The following SIM1 variants were observed in gnomAD, a reference collection of about 807,000 sequenced individuals.
SIM1 encodes SIM bHLH transcription factor 1.
A neutral mutation model predicts 78.2 loss-of-function variants in SIM1; 18 were observed. The observed-to-expected ratio is 0.23, with a 90% confidence interval of 0.16 to 0.34. SIM1 has a LOEUF of 0.34. Among genes scored for constraint, SIM1 ranks in the 10% least tolerant of loss-of-function variants. SIM1 has a pLI of 1.00. For missense variants in SIM1, 939 were observed against 975.1 expected (o/e 0.96, Z 0.49); for synonymous variants, 417 against 385.2 (o/e 1.08, Z -0.97).
chr6:100,412,751 G>GAAAGAA (rs1562240251), intron 10 of SIM1, among the ~76,000 whole-genome samples: 1 of 138,290 alleles, frequency 7.2e-6, no homozygotes, highest in African/African-American at 2.7e-5. Flanking sequence ...AAGAAAGAAA[G>GAAAGAA]AAAAAAGAAA....
At chr6:100,436,395 G>C (rs920035278) in intron 9 of SIM1, among the ~76,000 whole-genome samples, 1 of 152,166 alleles carries the variant, frequency 6.6e-6, no homozygotes, top group African/African-American at 2.4e-5. Context: ...ATTGAAGGAG[G>C]ATCTTTCCAG....
At position 100,390,281 on chromosome 6, in the gene SIM1, ATAG is replaced by A. The variant is rs1484712693; in HGVS notation, c.*77_*79del. 1 of 1,441,426 alleles carries A rather than the reference ATAG, an allele frequency of 6.9e-7. No individual in the cohort carries two copies. Among genetic ancestry groups the A allele is most frequent in the African/African-American group, 1.4e-5 (1 of 70,360 alleles). The allele number at this position is 1,441,426 out of a possible 1,614,324, so 89.3% of individuals were successfully genotyped here. A position where few individuals can be genotyped will look rare whatever the true frequency, so the allele number is the denominator to read the frequency against. ...GTTATACTCTCTAACAATCTGTGGC[ATAG>A]TAAATGCTGGTAATGGGGTATTAAA... On this transcript the variant is annotated 3_prime_UTR_variant, in exon 12 of 12. Coordinates refer to ENST00000369208, the MANE Select transcript of SIM1 (RefSeq NM_005068.3).
intron 9 of SIM1, among the ~76,000 whole-genome samples, chr6:100,441,268 G>A (rs2114531461): frequency 6.6e-6 from 1 of 152,282 alleles, no homozygotes; most frequent in Middle Eastern, 3.4e-3. Flanking sequence ...CAGTGCCAAG[G>A]GGCCAGAGGA....
At chr6:100,445,986 A>T (rs531586868) in intron 9 of SIM1, among the ~76,000 whole-genome samples, 2 of 152,370 alleles carry the variant, frequency 1.3e-5, no homozygotes, top group East Asian at 3.9e-4. Flanking sequence ...GTATTAAAAT[A>T]CACAGCCTTC....
intron 9 of SIM1, among the ~76,000 whole-genome samples, chr6:100,436,904 A>C (rs1166203407): frequency 6.6e-6 from 1 of 151,518 alleles, no homozygotes; most frequent in African/African-American, 2.4e-5. Context: ...CACCCGGTTA[A>C]TTTTTTGTAT....
intron 9 of SIM1, among the ~76,000 whole-genome samples, chr6:100,432,052 A>G (rs1771916408): frequency 6.6e-6 from 1 of 152,216 alleles, no homozygotes; most frequent in Non-Finnish European, 1.5e-5. Context: ...AGGCTGAGGC[A>G]GGAAGATTGA....
intron 9 of SIM1, among the ~76,000 whole-genome samples, chr6:100,438,036 T>A (rs1230820869): frequency 2.6e-5 from 4 of 152,062 alleles, no homozygotes; most frequent in Admixed American, 2.0e-4. Flanking sequence ...GAAAAACTCC[T>A]CTGAACATGG....
rs1370635563 is a variant in SIM1 at position 100,412,691 on chromosome 6, G to GAAAGAA, written c.1167+8093_1167+8098dup. 8.2e-4 allele frequency among the ~76,000 whole-genome samples: 43 copies of GAAAGAA among 52,614 alleles called. 2 individuals carry two copies. The highest frequency in any genetic ancestry group is 3.3e-3 in the African/African-American group (43 of 12,868). 34.5% of individuals were successfully genotyped at this position (52,614 alleles called of 152,430 possible). A position where few individuals can be genotyped will look rare whatever the true frequency, so the allele number is the denominator to read the frequency against. ...AGAGAGAGAAAGAAAGAAAAAGAAAGAAAGAAAGAAAGAAAGAAAGAAAGA... is the reference window on the plus strand; with the variant it reads ...AGAGAGAGAAAGAAAGAAAAAGAAAGAAAGAAAAAGAAAGAAAGAAAGAAAGAAAGA... On this transcript the variant is annotated intron_variant, in intron 10 of 11. Coordinates refer to ENST00000369208, the MANE Select transcript of SIM1 (RefSeq NM_005068.3).
intron 11 of SIM1, among the ~76,000 whole-genome samples, chr6:100,393,099 T>C (rs559755096): frequency 6.6e-6 from 1 of 152,262 alleles, no homozygotes; most frequent in South Asian, 2.1e-4. Flanking sequence ...AATAGTGCCC[T>C]CATTGAGAAA....
At position 100,443,433 on chromosome 6, in the gene SIM1, CTT is replaced by C. The variant is rs1181734433; in HGVS notation, c.998+3833_998+3834del. ...ATTACTCACTAAATCTATTCTCTCT[CTT>C]TTACTTTCCAGACATAATATCAGAA... On this transcript the variant is annotated intron_variant, in intron 9 of 11. Transcript: ENST00000369208. 3.3e-5 allele frequency among the ~76,000 whole-genome samples: 5 copies of C among 152,242 alleles called. No individual in the cohort carries two copies. The East Asian group carries it at 9.6e-4, about 29-fold the overall frequency.
rs747311520 is a variant in SIM1, at chr6:100,463,442, C to T, written c.27G>A (p.Ala9=). The T allele has an allele frequency of 2.2e-5, 36 of 1,610,334 alleles. No individual in the cohort carries two copies. The South Asian group carries it at 3.6e-4, about 16-fold the overall frequency. ...TGTTTTCCTTCTCCCTCCTAGTCCG[C>T]GCAGCATTTTTGGACTTTTCTTTCA... MKEKSKNA[A]RTRREKENSE... Residue 9 remains alanine, a synonymous_variant, in exon 2 of 12, where the codon GCG becomes GCA. Coordinates refer to ENST00000369208, the MANE Select transcript of SIM1 (RefSeq NM_005068.3).
chr6:100,403,304 C>T (rs758651577), intron 10 of SIM1, among the ~76,000 whole-genome samples: 1 of 152,200 alleles, frequency 6.6e-6, no homozygotes, highest in Non-Finnish European at 1.5e-5. Flanking sequence ...CAGATGACAT[C>T]CACAGTCCCC....
At chr6:100,463,149 T>C (rs1039994324) in intron 2 of SIM1, 145 bp downstream of exon 2, 4 of 668,250 alleles carry the variant, frequency 6.0e-6, no homozygotes, top group African/African-American at 5.4e-5. Flanking sequence ...GTGAGGACCT[T>C]AGTGAAGCAG....
chr6:100,412,695 GAA>G (rs1232553287), intron 10 of SIM1, among the ~76,000 whole-genome samples: 2 of 79,388 alleles, frequency 2.5e-5, no homozygotes, highest in Non-Finnish European at 5.1e-5. Context: ...AAGAAAGAAA[GAA>G]AGAAAGAAAG....
chr6:100,455,987 A>C (rs1378971544), intron 2 of SIM1, among the ~76,000 whole-genome samples: 1 of 152,108 alleles, frequency 6.6e-6, no homozygotes, highest in African/African-American at 2.4e-5. Context: ...ACTTCCCCAC[A>C]GGTTAATAAA....
Position 100,421,157 on chromosome 6 carries a change from A to AT in SIM1, c.999-200dup, listed in dbSNP as rs1031746927. Among the ~76,000 whole-genome samples, 51 of 151,968 alleles carry AT rather than the reference A, an allele frequency of 3.4e-4. 1 individual carries two copies. The highest frequency in any genetic ancestry group is 1.0e-3 in the African/African-American group (42 of 41,456). ...GTGTGCTGATAATAATGTATTTTTC[A>AT]TTTTTTTTCGTTAAGTGGAAAATAA... On this transcript the variant is annotated intron_variant, in intron 9 of 11. Coordinates refer to ENST00000369208, the MANE Select transcript of SIM1 (RefSeq NM_005068.3).
intron 2 of SIM1, among the ~76,000 whole-genome samples, chr6:100,461,089 G>A (rs1476723252): frequency 6.6e-6 from 1 of 151,906 alleles, no homozygotes; most frequent in East Asian, 1.9e-4. Context: ...TCGGGGGAAG[G>A]TGAGGGGGCT....
At chr6:100,442,870 C>T (rs958801677) in intron 9 of SIM1, among the ~76,000 whole-genome samples, 1 of 151,998 alleles carries the variant, frequency 6.6e-6, no homozygotes, top group Non-Finnish European at 1.5e-5. Context: ...GCAATATGAA[C>T]ATATTTTAAT....
intron 2 of SIM1, among the ~76,000 whole-genome samples, chr6:100,458,919 C>G (rs1042629827): frequency 3.3e-5 from 5 of 152,310 alleles, no homozygotes; most frequent in African/African-American, 1.2e-4. Context: ...TAAAATTTCA[C>G]GGATCAGACA....
Sources: allele counts gnomAD v4.1 joint callset (sites outside exome capture counted in the v4.1 genomes callset), GRCh38; gene constraint gnomAD v4.1.1; transcripts MANE v1.5; gene names NCBI Gene and HGNC (gene_info 2026-07-23, HGNC 2026-07-21).